Variants in NCAM2 observed in about 807,000 individuals in gnomAD.
NCAM2 encodes the protein N-CAM-2.
A neutral mutation model predicts 98.1 loss-of-function variants in NCAM2; 30 were observed. That is an observed-to-expected ratio of 0.31 (90% CI 0.23 to 0.41). NCAM2 has a LOEUF of 0.41. Ranked by LOEUF, NCAM2 falls within the 10% of genes least tolerant of loss-of-function variation. The pLI is 1.00. For missense variants in NCAM2, 867 were observed against 1,005.8 expected (o/e 0.86, Z 1.87); for synonymous variants, 368 against 342.4 (o/e 1.07, Z -0.83).
chr21:21,527,114 T>TA (rs1491234352), intron 16 of NCAM2, among the ~76,000 whole-genome samples: 1 of 30,046 alleles, frequency 3.3e-5, no homozygotes, highest in Non-Finnish European at 7.1e-5. Context: ...GAAAGAAAGA[T>TA]TTTTTTTTTT....
chr21:21,231,355 C>T (rs1300862681), intron 1 of NCAM2, among the ~76,000 whole-genome samples: 1 of 151,280 alleles, frequency 6.6e-6, no homozygotes, highest in African/African-American at 2.4e-5. Context: ...CAAAAACTTA[C>T]AGGAATATAT....
intron 1 of NCAM2, among the ~76,000 whole-genome samples, chr21:21,118,335 G>C (rs561430512): frequency 1.3e-5 from 2 of 152,116 alleles, no homozygotes; most frequent in Non-Finnish European, 2.9e-5. Context: ...GATGCAGCGG[G>C]GGGGCAGGCT....
chr21:21,341,225 T>G, intron 8 of NCAM2, among the ~76,000 whole-genome samples: 1 of 152,222 alleles, frequency 6.6e-6, no homozygotes, highest in Non-Finnish European at 1.5e-5. Context: ...ATTCCTATCA[T>G]GGAAAGTAGC....
At chr21:21,212,615 T>G (rs1485461661) in intron 1 of NCAM2, among the ~76,000 whole-genome samples, 1 of 152,210 alleles carries the variant, frequency 6.6e-6, no homozygotes, top group Non-Finnish European at 1.5e-5. Flanking sequence ...GGTCATATCA[T>G]TGACAATATC....
chr21:21,396,140 A>G (rs1456476884), intron 9 of NCAM2, among the ~76,000 whole-genome samples: 3 of 150,136 alleles, frequency 2.0e-5, no homozygotes, highest in Non-Finnish European at 3.0e-5. Flanking sequence ...TCAAGAATCT[A>G]CAAGGAACCC....
At chr21:21,424,928 C>T (rs149739880) in intron 11 of NCAM2, among the ~76,000 whole-genome samples, 81 of 148,384 alleles carry the variant, frequency 5.5e-4, no homozygotes, top group African/African-American at 1.8e-3. Context: ...CCCAGCTACT[C>T]GGGAGGCTGA....
rs189352987 is a variant in NCAM2 at position 21,321,148 on chromosome 21, A to T, written c.620-3235A>T. Among the ~76,000 whole-genome samples, 3 of 152,018 alleles carry T rather than the reference A, an allele frequency of 2.0e-5. No individual in the cohort carries two copies. In the East Asian group the frequency reaches 5.8e-4, roughly 29 times the overall value. Reference sequence around the variant, plus strand: ...GACACACAGCCCTAAATGTAAAATCATTTTTCTGATGATTAGTGATAACGA... The same window carrying T: ...GACACACAGCCCTAAATGTAAAATCTTTTTTCTGATGATTAGTGATAACGA... On this transcript the variant is annotated intron_variant, in intron 5 of 17. Coordinates refer to ENST00000400546, the MANE Select transcript of NCAM2 (RefSeq NM_004540.5).
Position 21,348,900 on chromosome 21 carries a change from T to C in NCAM2, c.1044+10366T>C, listed in dbSNP as rs534066506. Among the ~76,000 whole-genome samples the C allele has an allele frequency of 8.5e-5, 13 of 152,204 alleles. No homozygotes were observed. In the South Asian group the frequency reaches 1.5e-3, roughly 17 times the overall value. On this transcript the variant is annotated intron_variant, in intron 8 of 17. Coordinates refer to ENST00000400546, the MANE Select transcript of NCAM2 (RefSeq NM_004540.5). ...ATATCCATATGCAGAAGAACAAAACTTGACCCCTGTCTCTCACCAAACACA... is the reference window on the plus strand; with the variant it reads ...ATATCCATATGCAGAAGAACAAAACCTGACCCCTGTCTCTCACCAAACACA...
chr21:21,101,320 A>G (rs1190934952), intron 1 of NCAM2, among the ~76,000 whole-genome samples: 2 of 152,086 alleles, frequency 1.3e-5, no homozygotes, highest in Admixed American at 6.6e-5. Flanking sequence ...ACACATAATC[A>G]TAGCTAAATG....
At chr21:21,519,382 A>C (rs562650469) in intron 16 of NCAM2, among the ~76,000 whole-genome samples, 1 of 152,264 alleles carries the variant, frequency 6.6e-6, no homozygotes, top group Admixed American at 6.5e-5. Context: ...GGCCCAAGGC[A>C]GTGGTATTAC....
chr21:21,266,855 G>T (rs993375144), intron 1 of NCAM2, among the ~76,000 whole-genome samples: 6 of 152,040 alleles, frequency 3.9e-5, no homozygotes, highest in Non-Finnish European at 7.4e-5. Context: ...ATGTACCCTA[G>T]AACTTAAAGT....
chr21:21,214,722 C>CATATATATATATAT (rs1555829682), intron 1 of NCAM2, among the ~76,000 whole-genome samples: 15 of 92,598 alleles, frequency 1.6e-4, no homozygotes, highest in African/African-American at 3.6e-4. Flanking sequence ...ATATATATTC[C>CATATATATATATAT]ATATATATAT....
chr21:21,208,206 T>C, intron 1 of NCAM2, among the ~76,000 whole-genome samples: 1 of 152,300 alleles, frequency 6.6e-6, no homozygotes, highest in South Asian at 2.1e-4. Context: ...ACTTCCAAGG[T>C]ATAAATTACA....
At chr21:21,493,452 T>C (rs186242060) in intron 15 of NCAM2, among the ~76,000 whole-genome samples, 176 of 152,038 alleles carry the variant, frequency 1.2e-3, no homozygotes, top group Non-Finnish European at 1.2e-3. Context: ...AGGGCTCCCA[T>C]ATACCATCTA....
chr21:21,519,564 T>C (rs1003596554), intron 16 of NCAM2, among the ~76,000 whole-genome samples: 4 of 84,958 alleles, frequency 4.7e-5, no homozygotes. Context: ...TATATAACCC[T>C]GTTATTTGTT....
chr21:21,361,694 A>G (rs922518947), intron 8 of NCAM2, among the ~76,000 whole-genome samples: 1 of 152,028 alleles, frequency 6.6e-6, no homozygotes, highest in Non-Finnish European at 1.5e-5. Flanking sequence ...TCTATGTCCA[A>G]TGACTTACCA....
At chr21:21,439,677 A>T (rs533029384) in intron 12 of NCAM2, among the ~76,000 whole-genome samples, 1 of 152,214 alleles carries the variant, frequency 6.6e-6, no homozygotes, top group Non-Finnish European at 1.5e-5. Context: ...AGTAGATCAG[A>T]TACTGAAATC....
Position 21,098,881 on chromosome 21 carries a change from A to G in NCAM2, c.55+100263A>G, listed in dbSNP as rs141164326. Among the ~76,000 whole-genome samples, 882 of 151,952 alleles carry G rather than the reference A, an allele frequency of 5.8e-3. 9 individuals are homozygous for G. The highest frequency in any genetic ancestry group is 0.02 in the African/African-American group (835 of 41,514). On this transcript the variant is annotated intron_variant, in intron 1 of 17. Coordinates refer to ENST00000400546, the MANE Select transcript of NCAM2 (RefSeq NM_004540.5). ...TGCAGGCCACAATTTTCAGCAAGCA[A>G]TTGCCAAAGCCTGATAAAGGGAAAT...
chr21:21,418,167 C>A (rs2077033138), intron 10 of NCAM2, among the ~76,000 whole-genome samples: 1 of 151,918 alleles, frequency 6.6e-6, no homozygotes, highest in Non-Finnish European at 1.5e-5. Context: ...CTGAGCTTTA[C>A]ATATATGTAG....
Sources: allele counts gnomAD v4.1 joint callset (sites outside exome capture counted in the v4.1 genomes callset), GRCh38; gene constraint gnomAD v4.1.1; transcripts MANE v1.5; gene names NCBI Gene and HGNC (gene_info 2026-07-23, HGNC 2026-07-21).